Variants in PLEKHA1 observed in about 807,000 individuals in gnomAD.
The protein encoded by PLEKHA1 is pleckstrin homology domain-containing family A member 1.
PLEKHA1 carries 34 observed loss-of-function variants against 52.0 expected under a neutral mutation model. The ratio of observed to expected loss-of-function variants is 0.65; its 90% CI spans 0.50 to 0.87. PLEKHA1 has a LOEUF of 0.87. Ranked by LOEUF, PLEKHA1 falls within the 40% of genes least tolerant of loss-of-function variation. The pLI, the probability that PLEKHA1 is intolerant of heterozygous loss-of-function variation, is 0.00. For synonymous variants in PLEKHA1, 163 were observed against 170.7 expected (o/e 0.95, Z 0.35); for missense variants, 497 against 504.2 (o/e 0.99, Z 0.14).
chr10:122,415,827 G>A lies in PLEKHA1; in HGVS notation c.469-32G>A, dbSNP rs186207174. The A allele has an allele frequency of 6.4e-4, 1,000 of 1,567,886 alleles. 10 individuals are homozygous for A. In the African/African-American group the frequency reaches 0.011, roughly 18 times the overall value. ...AAATAAAAGTATGCTAAACAAGCAA[G>A]AAAATAATTTATTTATTTTGCTTCA... On this transcript the variant is annotated intron_variant, in intron 6 of 11. Transcript: ENST00000368990.
chr10:122,426,619 A>G (rs2133606621), intron 10 of PLEKHA1, among the ~76,000 whole-genome samples: 1 of 152,292 alleles, frequency 6.6e-6, no homozygotes, highest in Non-Finnish European at 1.5e-5. Context: ...GCAGATTCAG[A>G]CAGTGTAGCA....
At chr10:122,389,341 C>T (rs1187666832) in intron 1 of PLEKHA1, among the ~76,000 whole-genome samples, 10 of 152,158 alleles carry the variant, frequency 6.6e-5, no homozygotes, top group Non-Finnish European at 1.2e-4. Context: ...TGACCACGTG[C>T]ATTGTCAGTG....
At chr10:122,403,315 G>C (rs2096957448) in intron 4 of PLEKHA1, among the ~76,000 whole-genome samples, 1 of 152,146 alleles carries the variant, frequency 6.6e-6, no homozygotes, top group African/African-American at 2.4e-5. Context: ...AAAACAGAGT[G>C]GGGAAAATTG....
At chr10:122,434,440 G>A (rs1029025152), downstream of PLEKHA1, 1 of 152,062 alleles carries the variant, frequency 6.6e-6, no homozygotes, top group Non-Finnish European at 1.5e-5. Flanking sequence ...TAGTTCTGCC[G>A]TATGTGACTT....
At chr10:122,417,792 C>T (rs1590819178) in intron 7 of PLEKHA1, 108 bp from the exon 8 acceptor site, 1 of 729,094 alleles carries the variant, frequency 1.4e-6, no homozygotes, top group East Asian at 2.7e-5. Context: ...TGAGATTTTT[C>T]ACTGCTTGGC....
chr10:122,387,234 G>A (rs926990167), intron 1 of PLEKHA1: 34 of 151,876 alleles, frequency 2.2e-4, no homozygotes, highest in Admixed American at 1.2e-3. Context: ...TTTTTAGGGT[G>A]GAGTTTATGC....
chr10:122,424,171 G>GTTTGT, intron 8 of PLEKHA1, 28 bp from the exon 9 acceptor site: 6 of 953,352 alleles, frequency 6.3e-6, no homozygotes, highest in Non-Finnish European at 6.9e-6. Context: ...TCATGTAACT[G>GTTTGT]TTTTTTTTTT....
intron 1 of PLEKHA1, among the ~76,000 whole-genome samples, chr10:122,375,588 C>T (rs925996341): frequency 6.6e-6 from 1 of 152,206 alleles, no homozygotes; most frequent in Non-Finnish European, 1.5e-5. Context: ...CTATTGACCT[C>T]CTGGAAAGAG....
Position 122,406,612 on chromosome 10 carries a change from C to T in PLEKHA1, c.281C>T (p.Ala94Val). 1.2e-6 allele frequency: 2 copies of T among 1,613,166 alleles called. No homozygotes were observed. Among genetic ancestry groups the T allele is most frequent in the Non-Finnish European group, 1.7e-6 (2 of 1,179,264 alleles). ...GGAATGAGGAAGTACTTCCTACAAG[C>T]CAATGATCAGCAGGACCTAGTGGAA... ...NAGMRKYFLQ[A>V]NDQQDLVEWV... The change falls in exon 5 of 12, where the codon GCC becomes GTC. Residue 94 changes from alanine to valine, a missense_variant. Coordinates refer to ENST00000368990, the MANE Select transcript of PLEKHA1 (RefSeq NM_001001974.4).
rs146301036 is a variant in PLEKHA1, at chr10:122,403,862, T to C, written c.245-2714T>C. Among the ~76,000 whole-genome samples the C allele has an allele frequency of 8.8e-3, 1,343 of 152,244 alleles. 20 individuals carry two copies. Among genetic ancestry groups the C allele is most frequent in the African/African-American group, 0.03 (1,253 of 41,522 alleles). On this transcript the variant is annotated intron_variant, in intron 4 of 11. Transcript: ENST00000368990. ...GCCCACCACCACGCCTGGCTAATTT[T>C]TGTATTTTGAGTAGAGACAGGGTTT... is the stretch of plus-strand genomic sequence containing the variant.
intron 5 of PLEKHA1, among the ~76,000 whole-genome samples, chr10:122,411,456 A>G (rs1307891226): frequency 6.6e-6 from 1 of 152,212 alleles, no homozygotes; most frequent in African/African-American, 2.4e-5. Flanking sequence ...CCTTATCTGC[A>G]TTGTATACCC....
rs2096802726 is a variant in PLEKHA1 at position 122,393,452 on chromosome 10, T to G, written c.141+111T>G. 1.8e-6 allele frequency: 2 copies of G among 1,085,170 alleles called. No individual in the cohort carries two copies. 67.2% of individuals were successfully genotyped at this position (1,085,170 alleles called of 1,614,324 possible). A position where few individuals can be genotyped will look rare whatever the true frequency, so the allele number is the denominator to read the frequency against. On this transcript the variant is annotated intron_variant, in intron 2 of 11. Coordinates refer to ENST00000368990, the MANE Select transcript of PLEKHA1 (RefSeq NM_001001974.4). This position sits in a 1 kb window ranked among gnomAD's most constrained non-coding sequence, Gnocchi z 4.5. ...CTTCTTAAGCAGTATATTTTTAGAT[T>G]TATTTCTACTGGCTGTCCTCTCTGC...
At chr10:122,433,852 A>C (rs1025224187), downstream of PLEKHA1, 3 of 152,354 alleles carry the variant, frequency 2.0e-5, no homozygotes, top group South Asian at 6.2e-4. Context: ...GAGAGCATTT[A>C]GTATTTGGTT....
rs1428663817 is a variant in PLEKHA1, at chr10:122,414,523, T to G, written c.469-1336T>G. 2.0e-5 allele frequency among the ~76,000 whole-genome samples: 3 copies of G among 152,174 alleles called. No individual in the cohort carries two copies. The East Asian group carries it at 5.8e-4, about 29-fold the overall frequency. ...GAGGATGAAAAGAAAAGCTACAAAC[T>G]GGGAGAAAATATTTGCAAACCACAT... On this transcript the variant is annotated intron_variant, in intron 6 of 11. Coordinates refer to ENST00000368990, the MANE Select transcript of PLEKHA1 (RefSeq NM_001001974.4).
At chr10:122,384,321 T>G (rs916544617) in intron 1 of PLEKHA1, among the ~76,000 whole-genome samples, 3 of 152,178 alleles carry the variant, frequency 2.0e-5, no homozygotes, top group African/African-American at 7.2e-5. Context: ...TTAAAAAACT[T>G]TATTTGGCTG....
intron 1 of PLEKHA1, among the ~76,000 whole-genome samples, chr10:122,377,841 T>C (rs1208210394): frequency 6.6e-6 from 1 of 152,206 alleles, no homozygotes; most frequent in African/African-American, 2.4e-5. Flanking sequence ...ATTAGTTGAA[T>C]TGATAATATT....
At chr10:122,399,205 T>C (rs2096892856) in intron 3 of PLEKHA1, among the ~76,000 whole-genome samples, 1 of 152,222 alleles carries the variant, frequency 6.6e-6, no homozygotes, top group African/African-American at 2.4e-5. Flanking sequence ...AACAAACTTT[T>C]GTGTGACTCA....
At chr10:122,437,955 T>C in the PLEKHA1 span, 7 of 152,180 alleles carry the variant, frequency 4.6e-5, no homozygotes, top group African/African-American at 1.7e-4. Context: ...AAAGTAGTCT[T>C]TTCTTCTTAA....
intron 10 of PLEKHA1, 97 bp downstream of exon 10, chr10:122,425,056 TA>T (rs2097317997): frequency 2.5e-5 from 26 of 1,058,822 alleles, no homozygotes; most frequent in Admixed American, 4.8e-5. Context: ...CACTTGAGGT[TA>T]AAAAAATATG....
Sources: gnomAD v4.1 joint callset for allele counts (sites outside exome capture counted in the v4.1 genomes callset) on GRCh38, gnomAD v4.1.1 for gene constraint, Gnocchi (gnomAD v3.1) non-coding constraint, MANE v1.5 for transcripts, NCBI Gene and HGNC (gene_info 2026-07-23, HGNC 2026-07-21) for gene names.